The following DLG2 variants were observed in gnomAD, a reference collection of about 807,000 sequenced individuals.
The protein encoded by DLG2 is discs large MAGUK scaffold protein 2.
In DLG2, 45 loss-of-function variants were observed where a neutral mutation model predicts 132.5. The ratio of observed to expected loss-of-function variants is 0.34; its 90% CI spans 0.27 to 0.44. The LOEUF (loss-of-function observed/expected upper bound fraction) is 0.44. Among genes scored for constraint, DLG2 ranks in the 20% least tolerant of loss-of-function variants. The pLI is 1.00. For missense variants in DLG2, 1,045 were observed against 1,196.9 expected (o/e 0.87, Z 1.87); for synonymous variants, 424 against 419.6 (o/e 1.01, Z -0.13).
At chr11:85,374,987 G>T (rs2085291421) in intron 3 of DLG2, among the ~76,000 whole-genome samples, 1 of 151,834 alleles carries the variant, frequency 6.6e-6, no homozygotes, top group African/African-American at 2.4e-5. Flanking sequence ...CACACACGAA[G>T]ACATAAAGTT....
Position 83,753,735 on chromosome 11 carries a change from GAT to G in DLG2, c.1825+32953_1825+32954del, listed in dbSNP as rs564384323. 5.3e-3 allele frequency among the ~76,000 whole-genome samples: 695 copies of G among 131,728 alleles called. 20 individuals are homozygous for G. The highest frequency in any genetic ancestry group is 0.01 in the African/African-American group (343 of 33,470). 86.4% of individuals were successfully genotyped at this position (131,728 alleles called of 152,430 possible). On this transcript the variant is annotated intron_variant, in intron 18 of 27. Transcript: ENST00000376104. ...TTTCATATATAGACACTATATATAT[GAT>G]ATATATATATTTCATATATGTAATA...
At position 84,508,671 on chromosome 11, in the gene DLG2, A is replaced by T. The variant is rs544233329; in HGVS notation, c.519+25899T>A. Among the ~76,000 whole-genome samples, 22 of 152,286 alleles carry T rather than the reference A, an allele frequency of 1.4e-4. No homozygotes were observed. The East Asian group carries it at 3.1e-3, about 21-fold the overall frequency. On this transcript the variant is annotated intron_variant, in intron 7 of 27. Transcript: ENST00000376104. Reference sequence around the variant, plus strand: ...CGCCTCGGCCTCCCAAAGTGCTGGGATTACAAGCATGAGACACCGTGCCTG... The same window carrying T: ...CGCCTCGGCCTCCCAAAGTGCTGGGTTTACAAGCATGAGACACCGTGCCTG...
Position 85,272,999 on chromosome 11 carries a change from G to C in DLG2, c.186+12221C>G, listed in dbSNP as rs191442174. ...GACAAACCTGACAAAAACAAGAAAT[G>C]GGGAAAGGATTCCCTATTTAATAAA... On this transcript the variant is annotated intron_variant, in intron 4 of 27. Coordinates refer to ENST00000376104, the MANE Select transcript of DLG2 (RefSeq NM_001142699.3). 1.7e-3 allele frequency among the ~76,000 whole-genome samples: 263 copies of C among 152,256 alleles called. 1 individual carries two copies. Among genetic ancestry groups the C allele is most frequent in the African/African-American group, 6.2e-3 (257 of 41,538 alleles).
intron 3 of DLG2, among the ~76,000 whole-genome samples, chr11:85,422,841 C>T (rs566007881): frequency 6.6e-6 from 1 of 152,198 alleles, no homozygotes; most frequent in East Asian, 1.9e-4. Flanking sequence ...TCTCCCTTCA[C>T]TTCTTGTATC....
chr11:85,519,292 C>T (rs1458099480), intron 3 of DLG2, among the ~76,000 whole-genome samples: 1 of 152,212 alleles, frequency 6.6e-6, no homozygotes, highest in Non-Finnish European at 1.5e-5. Flanking sequence ...AGGCTGTACC[C>T]TGAAAAACCA....
chr11:84,708,603 C>T lies in DLG2; in HGVS notation c.358-173872G>A, dbSNP rs76753036. Reference sequence around the variant, plus strand: ...ACCCCAGAGCTCTGGAAGATGCTTGCTCTCCCTTCAGCCAAAACAGGCATC... The same window carrying T: ...ACCCCAGAGCTCTGGAAGATGCTTGTTCTCCCTTCAGCCAAAACAGGCATC... On this transcript the variant is annotated intron_variant, in intron 6 of 27. Transcript: ENST00000376104. Among the ~76,000 whole-genome samples, 14 of 151,812 alleles carry T rather than the reference C, an allele frequency of 9.2e-5. No individual in the cohort carries two copies. The East Asian group carries it at 2.7e-3, about 30-fold the overall frequency.
chr11:85,126,853 A>G (rs2075171947), intron 5 of DLG2, among the ~76,000 whole-genome samples: 1 of 152,206 alleles, frequency 6.6e-6, no homozygotes, highest in African/African-American at 2.4e-5. Context: ...TCTTAAAACA[A>G]CGCTGTGAGA....
At chr11:85,013,926 TAA>T (rs1263998810) in intron 6 of DLG2, among the ~76,000 whole-genome samples, 1 of 152,190 alleles carries the variant, frequency 6.6e-6, no homozygotes, top group Non-Finnish European at 1.5e-5. Context: ...GATTTTTCTT[TAA>T]AAGACTTTTT....
rs780555536 is a variant in DLG2, at chr11:83,658,654, C to T, written c.1826-25329G>A. Reference sequence around the variant, plus strand: ...GACCCACCTTCCTATTCACAGTCTGCTCTAGTACTTGAAAACACTGCTTGA... The same window carrying T: ...GACCCACCTTCCTATTCACAGTCTGTTCTAGTACTTGAAAACACTGCTTGA... On this transcript the variant is annotated intron_variant, in intron 18 of 27. Transcript: ENST00000376104. Among the ~76,000 whole-genome samples the T allele has an allele frequency of 7.4e-4, 113 of 152,216 alleles. 1 individual carries two copies. The highest frequency in any genetic ancestry group is 1.5e-4 in the Non-Finnish European group (10 of 68,036).
chr11:85,575,082 TG>T (rs1442806077), intron 3 of DLG2, among the ~76,000 whole-genome samples: 2 of 151,758 alleles, frequency 1.3e-5, no homozygotes, highest in Non-Finnish European at 2.9e-5. Flanking sequence ...AATGCAGAGA[TG>T]ATCATTTTAA....
At chr11:84,419,302 C>G (rs1003751489) in intron 7 of DLG2, among the ~76,000 whole-genome samples, 2 of 152,166 alleles carry the variant, frequency 1.3e-5, no homozygotes, top group Non-Finnish European at 2.9e-5. Flanking sequence ...TTTCAAAACA[C>G]GTTTTGTATT....
chr11:84,943,451 T>G (rs535452456), intron 6 of DLG2, among the ~76,000 whole-genome samples: 6 of 152,054 alleles, frequency 3.9e-5, no homozygotes, highest in Non-Finnish European at 7.4e-5. Context: ...GGTGACTTTC[T>G]CTGGTGGTAT....
chr11:85,178,525 T>C, intron 4 of DLG2, among the ~76,000 whole-genome samples: 1 of 151,902 alleles, frequency 6.6e-6, no homozygotes, highest in Non-Finnish European at 1.5e-5. Flanking sequence ...AATCAGAATG[T>C]AAATATGTCC....
At chr11:85,258,667 C>T (rs1158762535) in intron 4 of DLG2, among the ~76,000 whole-genome samples, 1 of 152,122 alleles carries the variant, frequency 6.6e-6, no homozygotes, top group Admixed American at 6.5e-5. Context: ...GGTCAATGTA[C>T]CCGTCTCCCA....
intron 6 of DLG2, among the ~76,000 whole-genome samples, chr11:84,692,173 T>G (rs2058120612): frequency 6.6e-6 from 1 of 151,750 alleles, no homozygotes; most frequent in South Asian, 2.1e-4. Context: ...CTACTTAAAA[T>G]TCCCCAAACT....
chr11:83,734,487 G>A (rs2091607586), intron 18 of DLG2, among the ~76,000 whole-genome samples: 1 of 149,508 alleles, frequency 6.7e-6, no homozygotes, highest in Non-Finnish European at 1.5e-5. Flanking sequence ...GCCTTGCTGT[G>A]TCACCCAGGC....
chr11:85,026,846 A>AAAAT (rs915832316), intron 6 of DLG2, among the ~76,000 whole-genome samples: 30 of 152,080 alleles, frequency 2.0e-4, no homozygotes, highest in East Asian at 5.8e-4. Context: ...CAAAAAAATA[A>AAAAT]AAATAAATAA....
chr11:85,464,873 G>C (rs1229543198), intron 3 of DLG2, among the ~76,000 whole-genome samples: 3 of 151,412 alleles, frequency 2.0e-5, no homozygotes, highest in Admixed American at 6.6e-5. Flanking sequence ...AGGAGTTTGA[G>C]ACCAGCCTGG....
rs374428993 is a variant in DLG2, at chr11:83,689,605, G to A, written c.1826-56280C>T. The stretch of plus-strand genomic sequence containing the variant: ...ATTATCTAGTTCATATAGCTGTTGT[G>A]TTCTTATGAAATAAAAAAAATGTAA... On this transcript the variant is annotated intron_variant, in intron 18 of 27. Coordinates refer to ENST00000376104, the MANE Select transcript of DLG2 (RefSeq NM_001142699.3). 9.9e-5 allele frequency among the ~76,000 whole-genome samples: 15 copies of A among 151,918 alleles called. No homozygotes were observed. The East Asian group carries it at 2.7e-3, about 27-fold the overall frequency.
Sources: gnomAD v4.1 joint callset for allele counts (sites outside exome capture counted in the v4.1 genomes callset) on GRCh38, gnomAD v4.1.1 for gene constraint, MANE v1.5 for transcripts, NCBI Gene and HGNC (gene_info 2026-07-23, HGNC 2026-07-21) for gene names.